Variants in KHDRBS2 observed in about 807,000 individuals in gnomAD.
KHDRBS2 encodes the protein KH RNA binding domain containing, signal transduction associated 2.
KHDRBS2 carries 26 observed loss-of-function variants against 44.3 expected under a neutral mutation model. The observed-to-expected ratio is 0.59, with a 90% CI of 0.43 to 0.81. The LOEUF (loss-of-function observed/expected upper bound fraction) is 0.81, where lower values mean the gene tolerates loss of function less well. Among genes scored for constraint, KHDRBS2 ranks in the 40% least tolerant of loss-of-function variants. KHDRBS2 has a pLI of 0.00. For synonymous variants in KHDRBS2, 194 were observed against 151.1 expected, an observed-to-expected ratio of 1.28 and a Z score of -2.08; for missense variants, 476 against 433.1, an observed-to-expected ratio of 1.10 and a Z score of -0.88.
intron 6 of KHDRBS2, among the ~76,000 whole-genome samples, chr6:61,794,940 A>T (rs1440096658): frequency 6.6e-6 from 1 of 151,910 alleles, no homozygotes; most frequent in Non-Finnish European, 1.5e-5. Context: ...GGGGTTTGAG[A>T]CCAACCTGGC....
chr6:61,900,961 T>C (rs1803880797), intron 5 of KHDRBS2, among the ~76,000 whole-genome samples: 1 of 152,172 alleles, frequency 6.6e-6, no homozygotes, highest in Admixed American at 6.5e-5. Context: ...ATGTGAATTC[T>C]GGAGTCAGAC....
chr6:62,062,060 T>A (rs1232251089), intron 2 of KHDRBS2, among the ~76,000 whole-genome samples: 2 of 151,418 alleles, frequency 1.3e-5, no homozygotes, highest in Admixed American at 6.6e-5. Context: ...AAGGGATCAA[T>A]TCAACAAGAA....
chr6:61,955,636 A>ATG (rs551161632), intron 4 of KHDRBS2, among the ~76,000 whole-genome samples: 1,607 of 141,916 alleles, frequency 0.011, 503 homozygotes, highest in African/African-American at 0.04. Context: ...ACATGTGTAT[A>ATG]TACACGTATG....
At chr6:61,743,684 G>T (rs1424465457) in intron 6 of KHDRBS2, among the ~76,000 whole-genome samples, 1 of 151,782 alleles carries the variant, frequency 6.6e-6, no homozygotes, top group Non-Finnish European at 1.5e-5. Context: ...ACAACGTGCA[G>T]GTTTGTTACA....
intron 4 of KHDRBS2, 64 bp downstream of exon 4, chr6:61,978,002 C>A: frequency 7.5e-7 from 1 of 1,337,896 alleles, no homozygotes; most frequent in South Asian, 1.4e-5. Context: ...CAGTGAAGAT[C>A]AAAGGTGCAT....
chr6:61,651,436 T>G, the KHDRBS2 span, among the ~76,000 whole-genome samples: 23 of 152,190 alleles, frequency 1.5e-4, no homozygotes, highest in East Asian at 4.1e-3. Context: ...ATAAACTATG[T>G]GTTTTGCACC....
chr6:61,678,475 A>G (rs577056025), downstream of KHDRBS2, among the ~76,000 whole-genome samples: 43 of 152,080 alleles, frequency 2.8e-4, no homozygotes, highest in South Asian at 1.0e-3. Context: ...TTGACAAGGG[A>G]TAGGTAAGGA....
chr6:61,697,434 T>C (rs1252840928), intron 7 of KHDRBS2, among the ~76,000 whole-genome samples, 181 bp from the exon 8 acceptor site: 3 of 151,796 alleles, frequency 2.0e-5, no homozygotes, highest in African/African-American at 7.3e-5. Flanking sequence ...AGGAGTGCTA[T>C]GATTTTTTTT....
At position 61,925,751 on chromosome 6, in the gene KHDRBS2, A is replaced by G. The variant is rs568836335; in HGVS notation, c.484-24380T>C. Among the ~76,000 whole-genome samples the G allele has an allele frequency of 6.0e-5, 9 of 151,078 alleles. No homozygotes were observed. The East Asian group carries it at 1.8e-3, about 29-fold the overall frequency. ...AAAAAAAAAAAAAAAAGAAATTTGT[A>G]GTTTTGTGGGGCAATGAAAACATTT... On this transcript the variant is annotated intron_variant, in intron 4 of 8. Transcript: ENST00000281156.
At chr6:62,132,551 T>A (rs1810570121) in intron 2 of KHDRBS2, among the ~76,000 whole-genome samples, 1 of 152,168 alleles carries the variant, frequency 6.6e-6, no homozygotes, top group Non-Finnish European at 1.5e-5. Context: ...TTTAATCACC[T>A]GCAAGCAGCT....
intron 2 of KHDRBS2, among the ~76,000 whole-genome samples, chr6:62,127,340 CA>C (rs1432335309): frequency 6.6e-6 from 1 of 151,886 alleles, no homozygotes; most frequent in African/African-American, 2.4e-5. Flanking sequence ...ATAAAAAAAA[CA>C]AACTTTGGCC....
chr6:62,223,174 G>C (rs1487148743), intron 1 of KHDRBS2, among the ~76,000 whole-genome samples: 1 of 152,196 alleles, frequency 6.6e-6, no homozygotes, highest in Non-Finnish European at 1.5e-5. Context: ...TACATCCTCT[G>C]AAATTTAGGT....
chr6:61,630,703 G>T, the KHDRBS2 span, among the ~76,000 whole-genome samples: 1 of 152,192 alleles, frequency 6.6e-6, no homozygotes. Context: ...CCAGAGAAGA[G>T]AGTGGCCTGG....
chr6:61,823,957 C>CT (rs1408396770), intron 6 of KHDRBS2, among the ~76,000 whole-genome samples: 13 of 151,994 alleles, frequency 8.6e-5, no homozygotes, highest in Non-Finnish European at 1.6e-4. Context: ...ACAATCAATT[C>CT]TTTTTTAATT....
chr6:61,556,177 G>T, the KHDRBS2 span, among the ~76,000 whole-genome samples: 1 of 152,196 alleles, frequency 6.6e-6, no homozygotes, highest in Non-Finnish European at 1.5e-5. Flanking sequence ...TGGTGGCAGT[G>T]CAGGGGCATG....
intron 2 of KHDRBS2, among the ~76,000 whole-genome samples, chr6:62,174,273 G>A (rs1383586421): frequency 6.6e-6 from 1 of 151,110 alleles, no homozygotes; most frequent in African/African-American, 2.4e-5. Flanking sequence ...CAACATCAAA[G>A]CTAAGAATCA....
chr6:62,240,565 A>G (rs555836450), intron 1 of KHDRBS2, among the ~76,000 whole-genome samples: 11 of 149,644 alleles, frequency 7.4e-5, no homozygotes, highest in Middle Eastern at 3.5e-3. Flanking sequence ...ATCTGTCACT[A>G]TATATACATA....
intron 3 of KHDRBS2, among the ~76,000 whole-genome samples, chr6:62,015,783 C>T (rs1021369934): frequency 1.3e-5 from 2 of 152,162 alleles, no homozygotes; most frequent in Admixed American, 6.6e-5. Context: ...GAATTATTAT[C>T]CACAGATCAG....
intron 6 of KHDRBS2, among the ~76,000 whole-genome samples, chr6:61,799,383 TTTTC>T (rs1785900838): frequency 6.6e-6 from 1 of 151,962 alleles, no homozygotes; most frequent in South Asian, 2.1e-4. Context: ...ACATAGTTCT[TTTTC>T]TTTTTTACAT....
Sources: gnomAD v4.1 joint callset for allele counts (sites outside exome capture counted in the v4.1 genomes callset) on GRCh38, gnomAD v4.1.1 for gene constraint, MANE v1.5 for transcripts, NCBI Gene and HGNC (gene_info 2026-07-23, HGNC 2026-07-21) for gene names.